Variants in CUL4A observed in about 807,000 individuals in gnomAD.
The protein encoded by CUL4A is cullin 4A, also known as cullin-4A.
In CUL4A, 16 loss-of-function variants were observed where a neutral mutation model predicts 95.5. The ratio of observed to expected loss-of-function variants is 0.17; its 90% CI spans 0.11 to 0.25. The LOEUF (loss-of-function observed/expected upper bound fraction) is 0.25, where lower values mean the gene tolerates loss of function less well. Among genes scored for constraint, CUL4A ranks in the 10% least tolerant of loss-of-function variants. The pLI is 1.00. For synonymous variants in CUL4A, 380 were observed against 353.1 expected, an observed-to-expected ratio of 1.08 and a Z score of -0.85; for missense variants, 610 against 937.0, an observed-to-expected ratio of 0.65 and a Z score of 4.56.
At chr13:113,235,523 T>G (rs1477705813) in intron 8 of CUL4A, among the ~76,000 whole-genome samples, 2 of 152,214 alleles carry the variant, frequency 1.3e-5, no homozygotes, top group African/African-American at 4.8e-5. Flanking sequence ...TCTCTTTTCA[T>G]CTTATGTTTT....
At chr13:113,244,886 G>T in intron 12 of CUL4A, 63 bp from the exon 13 acceptor site, 7 of 1,000,544 alleles carry the variant, frequency 7.0e-6, no homozygotes, top group South Asian at 1.4e-5. Flanking sequence ...GTTGAAGTTT[G>T]AAGTTTAACA....
intron 15 of CUL4A, among the ~76,000 whole-genome samples, chr13:113,251,974 C>T (rs2042005164): frequency 6.6e-6 from 1 of 152,080 alleles, no homozygotes; most frequent in South Asian, 2.1e-4. Context: ...ACTGGTGAGC[C>T]CTTGCGTGCG....
intron 11 of CUL4A, among the ~76,000 whole-genome samples, chr13:113,243,738 T>C (rs1023538359): frequency 6.6e-6 from 1 of 152,096 alleles, no homozygotes; most frequent in Non-Finnish European, 1.5e-5. Flanking sequence ...AATATTCCAT[T>C]ACAAAATGTT....
chr13:113,242,443 G>T (rs1367935841), intron 10 of CUL4A, among the ~76,000 whole-genome samples: 1 of 152,150 alleles, frequency 6.6e-6, no homozygotes, highest in African/African-American at 2.4e-5. Flanking sequence ...CCAGTCGTTT[G>T]TAAGTTCTCT....
intron 15 of CUL4A, 91 bp from the exon 16 acceptor site, chr13:113,252,991 G>T: frequency 1.7e-6 from 1 of 588,758 alleles, no homozygotes. Flanking sequence ...TAATTCAGCC[G>T]TGAGAAATTG....
intron 10 of CUL4A, among the ~76,000 whole-genome samples, chr13:113,242,096 C>G (rs2041730194): frequency 6.6e-6 from 1 of 152,076 alleles, no homozygotes; most frequent in Admixed American, 6.5e-5. Flanking sequence ...GCAGGCAGAT[C>G]ATGAAGTCAA....
intron 14 of CUL4A, among the ~76,000 whole-genome samples, chr13:113,245,547 C>T (rs1278822792): frequency 1.3e-5 from 2 of 152,100 alleles, no homozygotes; most frequent in African/African-American, 4.8e-5. Context: ...GAGACCTTGT[C>T]GTGGATGGGT....
chr13:113,221,895 G>A (rs2040912073), intron 3 of CUL4A, among the ~76,000 whole-genome samples: 1 of 152,214 alleles, frequency 6.6e-6, no homozygotes, highest in African/African-American at 2.4e-5. Context: ...GGTTTTCAAA[G>A]GTTCAGATAA....
At chr13:113,210,148 G>C (rs1286865449) in intron 2 of CUL4A, 60 bp downstream of exon 2, 4 of 1,207,258 alleles carry the variant, frequency 3.3e-6, no homozygotes, top group African/African-American at 3.2e-5. Flanking sequence ...AGACGCGGCC[G>C]GGCGGCCGCT....
chr13:113,256,090 C>T (rs542605804), intron 18 of CUL4A, among the ~76,000 whole-genome samples: 9 of 152,202 alleles, frequency 5.9e-5, no homozygotes, highest in African/African-American at 2.2e-4. Context: ...GTCTCAGCTA[C>T]TCGGGAGGGT....
Position 113,233,407 on chromosome 13 carries a change from T to A in CUL4A, c.675+68T>A. ...CTACTTGCACCAGAATAAATGGTTGTACCAAAGATGTTAAACAATGAAATC... is the reference window on the plus strand; with the variant it reads ...CTACTTGCACCAGAATAAATGGTTGAACCAAAGATGTTAAACAATGAAATC... On this transcript the variant is annotated intron_variant, in intron 6 of 19. Transcript: ENST00000375440. 7.1e-6 allele frequency: 10 copies of A among 1,412,124 alleles called. No individual in the cohort carries two copies. The South Asian group carries it at 1.0e-4, about 14-fold the overall frequency. 87.5% of individuals were successfully genotyped at this position (1,412,124 alleles called of 1,614,324 possible).
chr13:113,241,668 C>T (rs959488734), intron 10 of CUL4A, among the ~76,000 whole-genome samples: 3 of 152,046 alleles, frequency 2.0e-5, no homozygotes, highest in Admixed American at 6.5e-5. Context: ...CTCCCGCCAC[C>T]ACACCTGGCC....
At chr13:113,208,765 G>A (rs935252569), upstream of CUL4A, 30 of 1,439,174 alleles carry the variant, frequency 2.1e-5, no homozygotes, top group African/African-American at 3.0e-5. Context: ...TGGTTCCGGA[G>A]GGAGAACCTG....
chr13:113,228,003 A>G lies in CUL4A; in HGVS notation c.396A>G (p.Leu132=). 1 of 1,613,390 alleles carries G rather than the reference A, an allele frequency of 6.2e-7. No homozygotes were observed. The highest frequency in any genetic ancestry group is 1.3e-5 in the African/African-American group (1 of 74,994). ...ACTCACTAGATAGTGTTTTATTTTT[A>G]AAGAAGATTAACACGTGCTGGCAGG... The part of the protein sequence containing the change: ...REDSLDSVLF[L]KKINTCWQDH... The change falls in exon 4 of 20, where the codon TTA becomes TTG. Residue 132 remains leucine (L), a synonymous_variant. Coordinates refer to ENST00000375440, the MANE Select transcript of CUL4A (RefSeq NM_001008895.4).
chr13:113,256,578 G>A (rs1030336732), intron 18 of CUL4A, among the ~76,000 whole-genome samples: 60 of 152,124 alleles, frequency 3.9e-4, no homozygotes, highest in African/African-American at 1.3e-3. Context: ...AAGATAGTTT[G>A]TTGCAGTTTT....
intron 4 of CUL4A, among the ~76,000 whole-genome samples, chr13:113,229,182 G>T (rs2041219763): frequency 6.6e-6 from 1 of 151,950 alleles, no homozygotes; most frequent in African/African-American, 2.4e-5. Flanking sequence ...CTGAACACAG[G>T]ATCTCTTTAA....
chr13:113,209,862 T>G (rs1363271259), intron 1 of CUL4A, 87 bp downstream of exon 1: 1 of 1,144,644 alleles, frequency 8.7e-7, no homozygotes, highest in Non-Finnish European at 1.1e-6. Context: ...GGCCCCGAGA[T>G]CCGTGCGGGC....
intron 7 of CUL4A, 147 bp from the exon 8 acceptor site, chr13:113,234,916 C>A: frequency 1.6e-6 from 1 of 608,250 alleles, no homozygotes; most frequent in Non-Finnish European, 2.9e-6. Flanking sequence ...CCTACCTCTC[C>A]CTCCCTGTTA....
At position 113,253,987 on chromosome 13, in the gene CUL4A, C is replaced by CT. The variant is rs1417568170; in HGVS notation, c.1753-704dup. Among the ~76,000 whole-genome samples the CT allele has an allele frequency of 1.7e-4, 26 of 152,228 alleles. 1 individual carries two copies. The highest frequency in any genetic ancestry group is 6.8e-3 in the Middle Eastern group (2 of 294). ...ATACATGAAACCATATATTCTCTTC[C>CT]TTAAGGTATTAGGAAAGTTAATTTC... On this transcript the variant is annotated intron_variant, in intron 16 of 19. Transcript: ENST00000375440.
Sources: gnomAD v4.1 joint callset for allele counts (sites outside exome capture counted in the v4.1 genomes callset) on GRCh38, gnomAD v4.1.1 for gene constraint, MANE v1.5 for transcripts, NCBI Gene and HGNC (gene_info 2026-07-23, HGNC 2026-07-21) for gene names.